FRMD7: variants seen among roughly 807,000 people sequenced by gnomAD.
FRMD7 encodes FERM domain-containing protein 7.
In FRMD7, 14 loss-of-function variants were observed where a neutral mutation model predicts 44.1. The observed-to-expected ratio is 0.32, with a 90% CI of 0.21 to 0.50. FRMD7 has a LOEUF of 0.50. Among genes scored for constraint, FRMD7 ranks in the 20% least tolerant of loss-of-function variants. The pLI, the probability that FRMD7 is intolerant of heterozygous loss-of-function variation, is 0.99. For synonymous variants in FRMD7, 212 were observed against 187.4 expected, an observed-to-expected ratio of 1.13 and a Z score of -1.07; for missense variants, 501 against 522.3, an observed-to-expected ratio of 0.96 and a Z score of 0.40.
intron 1 of FRMD7, among the ~76,000 whole-genome samples, chrX:132,102,945 C>T (rs1254295920): frequency 8.9e-6 from 1 of 112,106 alleles, no homozygotes; most frequent in African/African-American, 3.2e-5. Flanking sequence ...TGCTTCCTTC[C>T]GTAAGATCCC....
chrX:132,109,346 T>C (rs961507933), intron 1 of FRMD7, among the ~76,000 whole-genome samples: 28 of 112,089 alleles, frequency 2.5e-4, no homozygotes, highest in Non-Finnish European at 4.1e-4. Flanking sequence ...TAGTATGCTT[T>C]TTACTCTATT....
At position 132,085,676 on chromosome X, in the gene FRMD7, G is replaced by C; in HGVS notation, c.550C>G (p.Leu184Val). 4 of 1,209,623 alleles carry C rather than the reference G, an allele frequency of 3.3e-6. No homozygotes were observed. The highest frequency in any genetic ancestry group is 4.5e-6 in the Non-Finnish European group (4 of 893,564). Residue 184 changes from leucine (L) to valine (V), a missense_variant, in exon 7 of 12, where the codon CTG (leucine) becomes GTG (valine). By Grantham distance (32) the Leu-to-Val change is conservative. This residue lies in a region of FRMD7 where 453 missense variants were observed against 452.7 expected (regional missense o/e 1.00). Coordinates refer to ENST00000298542, the MANE Select transcript of FRMD7 (RefSeq NM_194277.3). ...TGAGGCCTGATGCCATACATATCCA[G>C]CTTCCTTGCTATGTCCAGTAGCAGA... is the stretch of plus-strand genomic sequence containing the variant. Reference protein sequence around the residue: ...DILLLDIARKLDMYGIRPHPA... With the variant: ...DILLLDIARKVDMYGIRPHPA...
chrX:132,114,947 C>T (rs781228958), intron 1 of FRMD7, among the ~76,000 whole-genome samples: 36 of 112,519 alleles, frequency 3.2e-4, no homozygotes, highest in African/African-American at 1.2e-3. Context: ...CTGTTTGATA[C>T]TAACTTGGAC....
chrX:132,124,682 A>G (rs1375433663), intron 1 of FRMD7, among the ~76,000 whole-genome samples: 1 of 112,248 alleles, frequency 8.9e-6, no homozygotes, highest in Non-Finnish European at 1.9e-5. Context: ...TTTCTAATAA[A>G]CTAACTGAAA....
intron 5 of FRMD7, among the ~76,000 whole-genome samples, chrX:132,088,557 CAAA>C: frequency 1.4e-5 from 1 of 70,410 alleles, no homozygotes; most frequent in Admixed American, 1.8e-4. Flanking sequence ...GGCCCTGTCT[CAAA>C]AAAAAAAAAA....
At chrX:132,118,935 C>T (rs1285524000) in intron 1 of FRMD7, among the ~76,000 whole-genome samples, 3 of 111,266 alleles carry the variant, frequency 2.7e-5, no homozygotes, top group Non-Finnish European at 5.7e-5. Context: ...ACATCACCTT[C>T]CTTAGAAAAA....
At position 132,085,967 on chromosome X, in the gene FRMD7, G is replaced by T. The variant is rs145552208; in HGVS notation, c.450C>A (p.Asn150Lys). The change falls in exon 6 of 12, where the codon AAC becomes AAA. Residue 150 changes from asparagine (N) to lysine (K), a missense_variant. This residue lies in a region of FRMD7 where 453 missense variants were observed against 452.7 expected (regional missense o/e 1.00). Transcript: ENST00000298542. ...KHLAQTRYLP[N>K]QDCLEGKIMH... is the part of the protein sequence containing the mutation. ...TGATCTTGCCCTCTAAACAGTCTTG[G>T]TTTGGTAAGTACCGAGTTTGTGCCA... 245 of 1,205,421 alleles carry T rather than the reference G, an allele frequency of 2.0e-4. No homozygotes were observed. The highest frequency in any genetic ancestry group is 2.6e-4 in the Non-Finnish European group (235 of 890,984).
intron 5 of FRMD7, among the ~76,000 whole-genome samples, chrX:132,087,211 T>G (rs1928020146): frequency 8.9e-6 from 1 of 111,806 alleles, no homozygotes; most frequent in Non-Finnish European, 1.9e-5. Flanking sequence ...GAAGTCAAAC[T>G]TTAGAATACT....
intron 3 of FRMD7, among the ~76,000 whole-genome samples, chrX:132,097,874 A>T (rs1240007284): frequency 8.9e-6 from 1 of 112,919 alleles, no homozygotes; most frequent in African/African-American, 3.2e-5. Context: ...TACACAAAAC[A>T]TAAATGCACA....
intron 1 of FRMD7, among the ~76,000 whole-genome samples, chrX:132,115,880 C>G (rs1238423733): frequency 9.1e-6 from 1 of 110,404 alleles, no homozygotes; most frequent in Non-Finnish European, 1.9e-5. Flanking sequence ...TTTGTAGATT[C>G]CTAGGAATAG....
chrX:132,091,298 CCTTCATATTTATTCT>C (rs1928162624), intron 5 of FRMD7, among the ~76,000 whole-genome samples: 1 of 110,459 alleles, frequency 9.1e-6, no homozygotes, highest in Admixed American at 9.7e-5. Context: ...GCTTTTAAGA[CCTTCATATTTATTCT>C]CTTCCTCTCT....
chrX:132,110,515 T>C (rs1443560899), intron 1 of FRMD7, among the ~76,000 whole-genome samples: 1 of 111,681 alleles, frequency 9.0e-6, no homozygotes, highest in Admixed American at 9.5e-5. Flanking sequence ...TTTGCGTCCA[T>C]CATCGCTGAG....
intron 1 of FRMD7, among the ~76,000 whole-genome samples, chrX:132,110,048 A>G (rs762933956): frequency 1.3e-4 from 14 of 111,167 alleles, no homozygotes; most frequent in Non-Finnish European, 1.9e-4. Context: ...TGTGTCTTAG[A>G]GACAGCAGCC....
chrX:132,109,112 A>G (rs1403986910), intron 1 of FRMD7, among the ~76,000 whole-genome samples: 3 of 111,993 alleles, frequency 2.7e-5, no homozygotes, highest in South Asian at 3.8e-4. Flanking sequence ...AATCACACAC[A>G]TAACTATTGG....
chrX:132,080,165 A>G, intron 10 of FRMD7, 33 bp downstream of exon 10: 1 of 1,159,642 alleles, frequency 8.6e-7, no homozygotes, highest in Admixed American at 2.2e-5. Flanking sequence ...TCAACATAAA[A>G]TCAACACGAG....
intron 1 of FRMD7, among the ~76,000 whole-genome samples, chrX:132,111,829 G>A (rs1198491837): frequency 8.9e-6 from 1 of 111,837 alleles, no homozygotes; most frequent in Non-Finnish European, 1.9e-5. Context: ...TTAGCCATCT[G>A]GTGAAATCTT....
At chrX:132,088,773 A>T (rs1470965127) in intron 5 of FRMD7, among the ~76,000 whole-genome samples, 1 of 111,888 alleles carries the variant, frequency 8.9e-6, no homozygotes, top group Non-Finnish European at 1.9e-5. Context: ...ATACAGAGGA[A>T]TGAATTTAAT....
chrX:132,082,525 AC>A lies in FRMD7; in HGVS notation c.742del (p.Val248CysfsTer71). On this transcript the variant is annotated frameshift_variant and splice_region_variant, in exon 9 of 12. Transcript: ENST00000298542. LOFTEE classifies it high-confidence loss of function. ...FLIKLHANILVLCKDTLEFTM... is the reference protein window; with the variant it reads ...FLIKLHANILXLCKDTLEFTM... Reference sequence around the variant, plus strand: ...GAACTCCAAGGTATCCTTGCACAACACCTGTATAAACCAATTTCCATTAAGT... The same window carrying A: ...GAACTCCAAGGTATCCTTGCACAACACTGTATAAACCAATTTCCATTAAGT... The A allele has an allele frequency of 8.3e-7, 1 of 1,197,994 alleles. No homozygotes were observed. Among genetic ancestry groups the A allele is most frequent in the Non-Finnish European group, 1.1e-6 (1 of 883,125 alleles).
chrX:132,077,876 G>A lies in FRMD7; in HGVS notation c.2141C>T (p.Ala714Val). The change falls in exon 12 of 12, where the codon GCT (alanine) becomes GTT (valine). Residue 714 changes from alanine to valine, a missense_variant. Around this residue, in one of 3 missense-constraint regions of FRMD7, gnomAD observed 453 missense variants for 452.7 expected, o/e 1.00. Transcript: ENST00000298542. Reference sequence around the variant, plus strand: ...AATGTCCATAGGTTCACACTTTTAAGCTAAAAAGTAATTACATGGTTTTAG... The same window carrying A: ...AATGTCCATAGGTTCACACTTTTAAACTAAAAAGTAATTACATGGTTTTAG... ...TSLKPCNYFLA is the reference protein window; with the variant it reads ...TSLKPCNYFLV 8.3e-7 allele frequency: 1 copy of A among 1,210,199 alleles called. No individual in the cohort carries two copies. Among genetic ancestry groups the A allele is most frequent in the Non-Finnish European group, 1.1e-6 (1 of 894,018 alleles).
Sources: gnomAD v4.1 joint callset for allele counts (sites outside exome capture counted in the v4.1 genomes callset) on GRCh38, gnomAD v4.1.1 for gene constraint, gnomAD v4.1.1 regional missense constraint, MANE v1.5 for transcripts, NCBI Gene and HGNC (gene_info 2026-07-23, HGNC 2026-07-21) for gene names.